CCDC30: variants seen among roughly 807,000 people sequenced by gnomAD.
CCDC30 encodes the protein coiled-coil domain containing 30, also known as coiled-coil domain-containing protein 30.
Under a neutral mutation model 100.2 loss-of-function variants are expected in CCDC30, and 70 were observed. The ratio of observed to expected loss-of-function variants is 0.70; its 90% CI spans 0.58 to 0.85. CCDC30 has a LOEUF of 0.85. Among genes scored for constraint, CCDC30 ranks in the 40% least tolerant of loss-of-function variants. The pLI is 0.00. For synonymous variants in CCDC30, 233 were observed against 269.5 expected (o/e 0.86, Z 1.33); for missense variants, 652 against 771.2 (o/e 0.85, Z 1.83).
the CCDC30 span, among the ~76,000 whole-genome samples, chr1:42,458,179 T>C: frequency 6.6e-6 from 1 of 152,120 alleles, no homozygotes. Context: ...CTTGTGGAGC[T>C]AAGGGACACA....
intron 11 of CCDC30, among the ~76,000 whole-genome samples, chr1:42,635,328 G>C (rs1280330657): frequency 2.6e-5 from 4 of 152,018 alleles, no homozygotes; most frequent in South Asian, 2.1e-4. Flanking sequence ...TTACAGGTGT[G>C]AGCCACCGTG....
chr1:42,462,623 TA>T (rs1476691494), upstream of CCDC30, among the ~76,000 whole-genome samples: 8 of 152,344 alleles, frequency 5.3e-5, no homozygotes, highest in Admixed American at 1.3e-4. Flanking sequence ...TCGAGTTTGA[TA>T]ATTAACTAGA....
chr1:42,584,272 T>G (rs1646024939), intron 9 of CCDC30, among the ~76,000 whole-genome samples: 1 of 152,166 alleles, frequency 6.6e-6, no homozygotes, highest in African/African-American at 2.4e-5. Flanking sequence ...AAAATATATT[T>G]GTTAAACTAT....
chr1:42,477,215 GCCAACATGTGTTTTTCT>G (rs1643893652), intron 1 of CCDC30, among the ~76,000 whole-genome samples: 1 of 151,766 alleles, frequency 6.6e-6, no homozygotes. Flanking sequence ...ATGTCCTACT[GCCAACATGTGTTTTTCT>G]TTGTTTTGTT....
chr1:42,569,732 C>T (rs910748589), intron 7 of CCDC30, among the ~76,000 whole-genome samples: 1 of 152,114 alleles, frequency 6.6e-6, no homozygotes, highest in African/African-American at 2.4e-5. Flanking sequence ...AACCCAAATG[C>T]CCATCAATGA....
chr1:42,501,049 CT>C (rs1644305252), intron 6 of CCDC30, among the ~76,000 whole-genome samples: 1 of 151,930 alleles, frequency 6.6e-6, no homozygotes, highest in Non-Finnish European at 1.5e-5. Context: ...TCAATGTTTT[CT>C]TTTATAATTT....
At chr1:42,458,770 TTAC>T (rs1643316205), upstream of CCDC30, among the ~76,000 whole-genome samples, 1 of 152,188 alleles carries the variant, frequency 6.6e-6, no homozygotes, top group Admixed American at 6.5e-5. Context: ...CAACTGAACA[TTAC>T]CCTGAGAAGG....
intron 1 of CCDC30, chr1:42,467,861 A>G (rs1005284993): frequency 3.9e-5 from 6 of 152,252 alleles, no homozygotes; most frequent in Non-Finnish European, 5.9e-5. Flanking sequence ...ACTAAGAGAT[A>G]CAAAGATAGA....
intron 6 of CCDC30, among the ~76,000 whole-genome samples, chr1:42,510,611 C>T (rs570054187): frequency 4.0e-5 from 6 of 150,860 alleles, no homozygotes; most frequent in Non-Finnish European, 5.9e-5. Flanking sequence ...GAGGTGAGAT[C>T]GCGCCACTGC....
At chr1:42,584,690 T>C (rs1157112907) in intron 9 of CCDC30, among the ~76,000 whole-genome samples, 1 of 152,218 alleles carries the variant, frequency 6.6e-6, no homozygotes, top group Admixed American at 6.5e-5. Flanking sequence ...ATCTTCTCAG[T>C]AAGATGAAGA....
chr1:42,544,022 C>A (rs992803966), intron 6 of CCDC30, among the ~76,000 whole-genome samples: 3 of 152,044 alleles, frequency 2.0e-5, no homozygotes, highest in Non-Finnish European at 4.4e-5. Context: ...TGATGGGGAT[C>A]CATTTTCCTT....
At chr1:42,473,909 C>T (rs951007306) in intron 1 of CCDC30, among the ~76,000 whole-genome samples, 21 of 152,070 alleles carry the variant, frequency 1.4e-4, no homozygotes, top group African/African-American at 5.1e-4. Flanking sequence ...TATCTACCCT[C>T]GTTTCTGGAC....
rs1644266122 is a variant in CCDC30 at position 42,498,834 on chromosome 1, G to A, written c.374G>A (p.Gly125Glu). The stretch of plus-strand genomic sequence containing the variant: ...GTATTTAAGGTTGAAAGACTTAAAG[G>A]AGAGGTGTGTGAATCTCAAGAGAAT... The change falls in exon 6 of 17, where the codon GGA becomes GAA. Residue 125 changes from glycine to glutamate, a missense_variant. Coordinates refer to ENST00000668663, the Ensembl canonical transcript of CCDC30. 5 of 1,233,468 alleles carry A rather than the reference G, an allele frequency of 4.1e-6. No homozygotes were observed. The South Asian group carries it at 1.6e-4, about 40-fold the overall frequency. The allele number at this position is 1,233,468 out of a possible 1,614,324, so 76.4% of individuals were successfully genotyped here.
chr1:42,623,283 G>C (rs114135969), intron 11 of CCDC30, among the ~76,000 whole-genome samples: 154 of 152,126 alleles, frequency 1.0e-3, no homozygotes, highest in African/African-American at 3.5e-3. Flanking sequence ...CTGCACTTGT[G>C]GGGTATTACT....
In CCDC30 at chr1:42,558,860, T is replaced by C. The variant is rs556185431; in HGVS notation, c.457-7436T>C. ...CACATAATCATCAGATTCTCCAAGG[T>C]TGAAATGAAGGAAAAACTGTTAAGA... On this transcript the variant is annotated intron_variant, in intron 6 of 16. Coordinates refer to ENST00000668663, the Ensembl canonical transcript of CCDC30. Among the ~76,000 whole-genome samples the C allele has an allele frequency of 9.2e-5, 14 of 152,174 alleles. 1 individual carries two copies. The highest frequency in any genetic ancestry group is 3.4e-4 in the African/African-American group (14 of 41,526).
chr1:42,599,952 AT>A (rs1281736703), intron 10 of CCDC30, among the ~76,000 whole-genome samples: 2 of 152,276 alleles, frequency 1.3e-5, no homozygotes, highest in East Asian at 3.9e-4. Context: ...AGCAAGGCAC[AT>A]CTTACATGGC....
At chr1:42,617,535 A>G (rs771104923) in intron 11 of CCDC30, among the ~76,000 whole-genome samples, 1 of 152,154 alleles carries the variant, frequency 6.6e-6, no homozygotes, top group Non-Finnish European at 1.5e-5. Flanking sequence ...GGGAGACGAG[A>G]GTTTTATTAC....
chr1:42,499,600 C>T (rs1644277635), intron 6 of CCDC30, among the ~76,000 whole-genome samples: 1 of 152,098 alleles, frequency 6.6e-6, no homozygotes, highest in Non-Finnish European at 1.5e-5. Context: ...TCCAGCCTCT[C>T]AAGTAGCTGG....
intron 7 of CCDC30, 143 bp from the exon 12 acceptor site, chr1:42,576,877 T>C: frequency 1.6e-6 from 1 of 623,128 alleles, no homozygotes; most frequent in Admixed American, 3.1e-5. Flanking sequence ...AACTCTTACA[T>C]GGCAGCTCTA....
Sources: gnomAD v4.1 joint callset for allele counts (sites outside exome capture counted in the v4.1 genomes callset) on GRCh38, gnomAD v4.1.1 for gene constraint, MANE v1.5 for transcripts, NCBI Gene and HGNC (gene_info 2026-07-23, HGNC 2026-07-21) for gene names.